XYLT1: variants seen among roughly 807,000 people sequenced by gnomAD.
The protein encoded by XYLT1 is beta-D-xylosyltransferase 1.
In XYLT1, 36 loss-of-function variants were observed where a neutral mutation model predicts 91.3. The observed-to-expected ratio is 0.39, with a 90% confidence interval of 0.30 to 0.52. XYLT1 has a LOEUF of 0.52. Ranked by LOEUF, XYLT1 falls within the 20% of genes least tolerant of loss-of-function variation. The pLI, the probability that XYLT1 is intolerant of heterozygous loss-of-function variation, is 0.68. For missense variants in XYLT1, 1,242 were observed against 1,284.5 expected, an observed-to-expected ratio of 0.97 and a Z score of 0.51; for synonymous variants, 588 against 532.0, an observed-to-expected ratio of 1.11 and a Z score of -1.45.
intron 2 of XYLT1, among the ~76,000 whole-genome samples, chr16:17,311,789 C>T (rs2034553946): frequency 7.2e-6 from 1 of 138,808 alleles, no homozygotes; most frequent in South Asian, 2.2e-4. Flanking sequence ...GCTGGGGAGG[C>T]CGCACAATCA....
intron 3 of XYLT1, among the ~76,000 whole-genome samples, chr16:17,249,388 G>C (rs557361231): frequency 1.3e-5 from 2 of 152,302 alleles, no homozygotes; most frequent in African/African-American, 4.8e-5. Flanking sequence ...CTTTCCCAGT[G>C]AGGGCAAGAC....
intron 2 of XYLT1, among the ~76,000 whole-genome samples, chr16:17,332,422 CGTG>C (rs1320180197): frequency 6.6e-6 from 1 of 151,988 alleles, no homozygotes; most frequent in African/African-American, 2.4e-5. Context: ...ATTAGCCGGG[CGTG>C]GTGGTGTGCT....
intron 2 of XYLT1, among the ~76,000 whole-genome samples, chr16:17,283,847 C>T (rs73527074): frequency 0.014 from 2,070 of 152,298 alleles, 56 homozygotes; most frequent in African/African-American, 0.047. Flanking sequence ...ATTTCTTCAA[C>T]GATATTTCCA....
intron 2 of XYLT1, among the ~76,000 whole-genome samples, chr16:17,310,576 C>G (rs757073872): frequency 3.9e-5 from 6 of 152,196 alleles, no homozygotes; most frequent in Admixed American, 6.5e-5. Context: ...GCAGGCCCGG[C>G]GCAGTGGCTC....
intron 1 of XYLT1, among the ~76,000 whole-genome samples, chr16:17,384,617 T>A (rs111428135): frequency 0.012 from 1,761 of 151,972 alleles, 42 homozygotes; most frequent in African/African-American, 0.04. Context: ...ACTTCAGATG[T>A]GGTGTGGGAG....
intron 1 of XYLT1, among the ~76,000 whole-genome samples, chr16:17,365,506 A>T (rs1397309033): frequency 2.0e-5 from 3 of 152,210 alleles, no homozygotes; most frequent in Non-Finnish European, 4.4e-5. Context: ...ACTCACCTTC[A>T]AATAGGGCTC....
Position 17,120,844 on chromosome 16 carries a change from C to T in XYLT1, c.2224-2865G>A, listed in dbSNP as rs376354350. ...TCTAAAAATAAAGATATATTGAGCACCTATTGTCTATTGATCGATCAATGA... is the reference window on the plus strand; with the variant it reads ...TCTAAAAATAAAGATATATTGAGCATCTATTGTCTATTGATCGATCAATGA... On this transcript the variant is annotated intron_variant, in intron 10 of 11. Transcript: ENST00000261381. 5.0e-4 allele frequency among the ~76,000 whole-genome samples: 76 copies of T among 152,136 alleles called. 2 individuals carry two copies. In the South Asian group the frequency reaches 0.013, roughly 27 times the overall value.
intron 5 of XYLT1, among the ~76,000 whole-genome samples, chr16:17,173,035 TAACA>T (rs34679721): frequency 6.6e-6 from 1 of 151,066 alleles, no homozygotes; most frequent in Non-Finnish European, 1.5e-5. Flanking sequence ...AGTGCTTTAC[TAACA>T]AACAAACAAA....
chr16:17,258,344 AGAAG>A, intron 3 of XYLT1, among the ~76,000 whole-genome samples: 1 of 151,792 alleles, frequency 6.6e-6, no homozygotes, highest in African/African-American at 2.4e-5. Flanking sequence ...GAAATAGGAA[AGAAG>A]GAAGGGGGAA....
chr16:17,429,150 T>A (rs1258679951), intron 1 of XYLT1, among the ~76,000 whole-genome samples: 7 of 152,198 alleles, frequency 4.6e-5, no homozygotes, highest in Admixed American at 2.0e-4. Flanking sequence ...GTAATTACCT[T>A]CAAGTTGTGA....
intron 2 of XYLT1, among the ~76,000 whole-genome samples, chr16:17,265,392 G>A (rs2033789773): frequency 6.6e-6 from 1 of 152,150 alleles, no homozygotes; most frequent in Non-Finnish European, 1.5e-5. Context: ...GTGATCAACT[G>A]GCATCATCTT....
At chr16:17,211,731 G>T (rs531830836) in intron 3 of XYLT1, among the ~76,000 whole-genome samples, 1 of 152,278 alleles carries the variant, frequency 6.6e-6, no homozygotes, top group South Asian at 2.1e-4. Context: ...CAAGAATCTG[G>T]CATCCTCATC....
intron 1 of XYLT1, among the ~76,000 whole-genome samples, chr16:17,410,648 T>TC (rs1349138217): frequency 6.7e-6 from 1 of 149,458 alleles, no homozygotes; most frequent in Non-Finnish European, 1.5e-5. Context: ...GTCATTACTT[T>TC]TTTTTTTTTT....
intron 3 of XYLT1, among the ~76,000 whole-genome samples, chr16:17,254,413 T>C (rs1369011630): frequency 2.6e-5 from 4 of 152,092 alleles, no homozygotes; most frequent in Non-Finnish European, 5.9e-5. Flanking sequence ...CAATTTTTTG[T>C]TGACAGAGTC....
At chr16:17,327,794 A>C (rs2034835701) in intron 2 of XYLT1, among the ~76,000 whole-genome samples, 1 of 152,002 alleles carries the variant, frequency 6.6e-6, no homozygotes, top group Non-Finnish European at 1.5e-5. Context: ...CTCGTCTTAA[A>C]TTCCATCGCG....
At chr16:17,266,234 C>T (rs1376285595) in intron 2 of XYLT1, among the ~76,000 whole-genome samples, 2 of 152,156 alleles carry the variant, frequency 1.3e-5, no homozygotes, top group East Asian at 1.9e-4. Context: ...TGGGACAGAA[C>T]ATTTCGCCTC....
At chr16:17,150,523 T>C (rs2031256973) in intron 6 of XYLT1, among the ~76,000 whole-genome samples, 2 of 152,210 alleles carry the variant, frequency 1.3e-5, no homozygotes, top group South Asian at 4.1e-4. Flanking sequence ...CTAGGCTCTG[T>C]TCTATGCACT....
intron 9 of XYLT1, among the ~76,000 whole-genome samples, chr16:17,129,072 GAA>G (rs34234422): frequency 0.18 from 17,392 of 94,316 alleles, 990 homozygotes; most frequent in East Asian, 0.48. Context: ...AGGGAGCATA[GAA>G]AAAAAAAAAA....
chr16:17,331,960 C>A (rs1400756321), intron 2 of XYLT1, among the ~76,000 whole-genome samples: 2 of 152,222 alleles, frequency 1.3e-5, no homozygotes, highest in Non-Finnish European at 2.9e-5. Context: ...GCCTGCCTAT[C>A]CCTGGAGAGT....
Sources: allele counts gnomAD v4.1 joint callset (sites outside exome capture counted in the v4.1 genomes callset), GRCh38; gene constraint gnomAD v4.1.1; transcripts MANE v1.5; gene names NCBI Gene and HGNC (gene_info 2026-07-23, HGNC 2026-07-21).